The following KIAA0825 variants were observed in gnomAD, a reference collection of about 807,000 sequenced individuals.
KIAA0825 encodes the protein KIAA0825.
KIAA0825 carries 119 observed loss-of-function variants against 147.6 expected under a neutral mutation model. That is an observed-to-expected ratio of 0.81 (90% CI 0.69 to 0.94). KIAA0825 has a LOEUF of 0.94. Ranked by LOEUF, KIAA0825 falls within the 40% of genes least tolerant of loss-of-function variation. KIAA0825 has a pLI of 0.00. For synonymous variants in KIAA0825, 470 were observed against 518.1 expected, an observed-to-expected ratio of 0.91 and a Z score of 1.26; for missense variants, 1,381 against 1,472.7, an observed-to-expected ratio of 0.94 and a Z score of 1.02.
chr5:94,508,329 T>C (rs966789909), intron 5 of KIAA0825, among the ~76,000 whole-genome samples: 2 of 152,180 alleles, frequency 1.3e-5, no homozygotes, highest in Non-Finnish European at 2.9e-5. Context: ...TAAAAAATCA[T>C]CTTCATTACT....
At chr5:94,350,873 A>G (rs902440560) in intron 20 of KIAA0825, among the ~76,000 whole-genome samples, 3 of 151,328 alleles carry the variant, frequency 2.0e-5, no homozygotes, top group African/African-American at 7.3e-5. Context: ...GGAACAAGAC[A>G]AGGATGTCCA....
chr5:94,185,706 T>A (rs1475896794), intron 20 of KIAA0825, among the ~76,000 whole-genome samples: 1 of 152,156 alleles, frequency 6.6e-6, no homozygotes. Context: ...ATATAAAAAT[T>A]CCTAGTTCCA....
chr5:94,181,654 A>G (rs1219646281), intron 20 of KIAA0825, among the ~76,000 whole-genome samples: 1 of 152,218 alleles, frequency 6.6e-6, no homozygotes, highest in Non-Finnish European at 1.5e-5. Context: ...ATGCCATGGC[A>G]CATCCAGCCG....
At chr5:94,478,341 A>C (rs960438544) in intron 6 of KIAA0825, among the ~76,000 whole-genome samples, 3 of 152,178 alleles carry the variant, frequency 2.0e-5, no homozygotes, top group African/African-American at 4.8e-5. Flanking sequence ...CATCAACTCT[A>C]GTATTTCTTA....
intron 2 of KIAA0825, among the ~76,000 whole-genome samples, chr5:94,566,772 T>C (rs1429750748): frequency 2.0e-5 from 3 of 152,162 alleles, no homozygotes; most frequent in Non-Finnish European, 2.9e-5. Context: ...GGTGATAAGC[T>C]ACTTGGTAAA....
intron 10 of KIAA0825, among the ~76,000 whole-genome samples, chr5:94,466,655 T>C (rs909731406): frequency 2.2e-5 from 3 of 138,832 alleles, no homozygotes; most frequent in South Asian, 4.4e-4. Context: ...GAAAATGGAG[T>C]GAACCCGGGA....
At chr5:94,606,246 A>C (rs992512897) in intron 1 of KIAA0825, among the ~76,000 whole-genome samples, 2 of 152,248 alleles carry the variant, frequency 1.3e-5, no homozygotes, top group Non-Finnish European at 2.9e-5. Context: ...CTCCTCAAAG[A>C]AATTAGAGAA....
chr5:94,484,760 G>A lies in KIAA0825; in HGVS notation c.1132+9C>T. Reference sequence around the variant, plus strand: ...TAGATTTACAAATTTAAACAAAAGAGGATATTACCTGAAGTATCCCTGGTT... The same window carrying A: ...TAGATTTACAAATTTAAACAAAAGAAGATATTACCTGAAGTATCCCTGGTT... On this transcript the variant is annotated intron_variant, in intron 6 of 20. Transcript: ENST00000682413. 1 of 1,451,860 alleles carries A rather than the reference G, an allele frequency of 6.9e-7. No individual in the cohort carries two copies. The highest frequency in any genetic ancestry group is 2.3e-5 in the Admixed American group (1 of 44,002). The allele number at this position is 1,451,860 out of a possible 1,614,324, so 89.9% of individuals were successfully genotyped here. A position where few individuals can be genotyped will look rare whatever the true frequency, so the allele number is the denominator to read the frequency against.
intron 20 of KIAA0825, among the ~76,000 whole-genome samples, chr5:94,354,905 G>A (rs1267569123): frequency 6.6e-6 from 1 of 152,172 alleles, no homozygotes; most frequent in Non-Finnish European, 1.5e-5. Flanking sequence ...CTGGGAACAT[G>A]TGCCCAAGGT....
intron 20 of KIAA0825, among the ~76,000 whole-genome samples, chr5:94,289,259 G>A (rs1342193704): frequency 6.6e-6 from 1 of 152,152 alleles, no homozygotes; most frequent in Non-Finnish European, 1.5e-5. Context: ...AAACTGGCCG[G>A]GAGTGGTGGC....
At chr5:94,341,944 A>G (rs959545780) in intron 20 of KIAA0825, among the ~76,000 whole-genome samples, 1 of 152,202 alleles carries the variant, frequency 6.6e-6, no homozygotes, top group African/African-American at 2.4e-5. Context: ...CTGTAATCCC[A>G]GCACTTTGGG....
intron 20 of KIAA0825, among the ~76,000 whole-genome samples, chr5:94,174,859 T>G (rs1232807203): frequency 6.6e-6 from 1 of 152,122 alleles, no homozygotes; most frequent in Non-Finnish European, 1.5e-5. Context: ...TTTTTCAAAT[T>G]TAAACATCTT....
At chr5:94,580,874 TCAAAAAAAAAAAAAAAAA>T (rs1782003788) in intron 2 of KIAA0825, among the ~76,000 whole-genome samples, 1 of 4,550 alleles carries the variant, frequency 2.2e-4, no homozygotes, top group Non-Finnish European at 3.6e-4. Flanking sequence ...AGACTCCGTC[TCAAAAAAAAAAAAAAAAA>T]AAAAAAAAAA....
At chr5:94,553,481 C>T (rs987931753) in intron 2 of KIAA0825, among the ~76,000 whole-genome samples, 5 of 147,060 alleles carry the variant, frequency 3.4e-5, no homozygotes, top group African/African-American at 7.5e-5. Flanking sequence ...AAAATATTTA[C>T]GGCTGGGCGC....
intron 14 of KIAA0825, among the ~76,000 whole-genome samples, chr5:94,438,184 A>G: frequency 6.6e-6 from 1 of 152,224 alleles, no homozygotes; most frequent in East Asian, 1.9e-4. Context: ...TACAAAATCT[A>G]GAGCTACTCG....
intron 2 of KIAA0825, among the ~76,000 whole-genome samples, chr5:94,561,383 G>C (rs1368999663): frequency 6.6e-6 from 1 of 152,064 alleles, no homozygotes; most frequent in Non-Finnish European, 1.5e-5. Context: ...CCTGAGTTCC[G>C]TGCATCATTC....
chr5:94,264,223 C>G (rs1412250095), intron 20 of KIAA0825, among the ~76,000 whole-genome samples: 1 of 152,186 alleles, frequency 6.6e-6, no homozygotes, highest in Non-Finnish European at 1.5e-5. Context: ...ACATTAAACA[C>G]ACATACAATA....
chr5:94,581,658 A>C (rs1461080714), intron 2 of KIAA0825, among the ~76,000 whole-genome samples: 1 of 152,202 alleles, frequency 6.6e-6, no homozygotes, highest in Non-Finnish European at 1.5e-5. Flanking sequence ...CACAACCTTA[A>C]TATTATTTAA....
intron 2 of KIAA0825, among the ~76,000 whole-genome samples, chr5:94,548,775 G>C (rs1005875561): frequency 2.0e-5 from 3 of 152,086 alleles, no homozygotes; most frequent in Non-Finnish European, 4.4e-5. Context: ...GGCAGCAGTA[G>C]ATATACTTGT....
Sources: gnomAD v4.1 joint callset for allele counts (sites outside exome capture counted in the v4.1 genomes callset) on GRCh38, gnomAD v4.1.1 for gene constraint, MANE v1.5 for transcripts, NCBI Gene and HGNC (gene_info 2026-07-23, HGNC 2026-07-21) for gene names.